Variants in AMN1 observed in about 807,000 individuals in gnomAD.
AMN1 encodes antagonist of mitotic exit network 1 homolog.
A neutral mutation model predicts 33.0 loss-of-function variants in AMN1; 20 were observed. That is an observed-to-expected ratio of 0.61 (90% confidence interval 0.43 to 0.88). The LOEUF (loss-of-function observed/expected upper bound fraction) is 0.88, where lower values mean the gene tolerates loss of function less well. Among genes scored for constraint, AMN1 ranks in the 40% least tolerant of loss-of-function variants. The pLI is 0.00. For missense variants in AMN1, 246 were observed against 307.4 expected (o/e 0.80, Z 1.49); for synonymous variants, 114 against 111.9 (o/e 1.02, Z -0.12).
chr12:31,702,772 T>C (rs1939063281), intron 2 of AMN1, among the ~76,000 whole-genome samples: 1 of 151,648 alleles, frequency 6.6e-6, no homozygotes, highest in Non-Finnish European at 1.5e-5. Context: ...AATTTCACTC[T>C]TGTTGCCCAG....
intron 1 of AMN1, among the ~76,000 whole-genome samples, chr12:31,721,455 C>G (rs1939875517): frequency 6.6e-6 from 1 of 152,190 alleles, no homozygotes; most frequent in African/African-American, 2.4e-5. Context: ...AGCTGGTGAA[C>G]AGCAGTCTCC....
At chr12:31,729,062 A>G, upstream of AMN1, 1 of 1,470,076 alleles carries the variant, frequency 6.8e-7, no homozygotes, top group African/African-American at 1.4e-5. Context: ...GAACCCAGCC[A>G]GGGACCGTCC....
chr12:31,672,190 A>C lies in AMN1; in HGVS notation c.*114T>G. 1.4e-6 allele frequency: 1 copy of C among 734,304 alleles called. No homozygotes were observed. Among genetic ancestry groups the C allele is most frequent in the Non-Finnish European group, 2.3e-6 (1 of 432,178 alleles). The allele number at this position is 734,304 out of a possible 1,614,324, so 45.5% of individuals were successfully genotyped here. ...TCTCTGAGAGTTATAACTTAAGACAATAAAATAATTAAAAATAGTGTTAAC... is the reference window on the plus strand; with the variant it reads ...TCTCTGAGAGTTATAACTTAAGACACTAAAATAATTAAAAATAGTGTTAAC... On this transcript the variant is annotated 3_prime_UTR_variant, in exon 7 of 7. Transcript: ENST00000281471.
chr12:31,703,080 C>T (rs189430796), intron 2 of AMN1, among the ~76,000 whole-genome samples: 1 of 152,208 alleles, frequency 6.6e-6, no homozygotes, highest in East Asian at 1.9e-4. Flanking sequence ...CTTTCCACTG[C>T]CCACCACCCC....
intron 3 of AMN1, among the ~76,000 whole-genome samples, chr12:31,701,330 C>A (rs4931547): frequency 6.6e-6 from 1 of 151,630 alleles, no homozygotes; most frequent in Admixed American, 6.6e-5. Context: ...TAGAGTCTCC[C>A]TATGTCACCC....
At chr12:31,699,602 C>T (rs1334868594) in intron 3 of AMN1, among the ~76,000 whole-genome samples, 1 of 152,082 alleles carries the variant, frequency 6.6e-6, no homozygotes. Flanking sequence ...CTTCATCTTG[C>T]TGTTCATCTG....
chr12:31,701,936 C>T lies in AMN1; in HGVS notation c.243G>A (p.Leu81=), dbSNP rs1351224450. 6.2e-7 allele frequency: 1 copy of T among 1,609,976 alleles called. No individual in the cohort carries two copies. The highest frequency in any genetic ancestry group is 8.5e-7 in the Non-Finnish European group (1 of 1,178,688). ...ATTTCTTCAGTTTTCTACAGTTAGACAGGTGCAGGAGAGCAGCATCTGATA... is the reference window on the plus strand; with the variant it reads ...ATTTCTTCAGTTTTCTACAGTTAGATAGGTGCAGGAGAGCAGCATCTGATA... ...CDISDAALLH[L]SNCRKLKKLN... The change falls in exon 3 of 7, where the codon CTG becomes CTA. Residue 81 remains leucine, a synonymous_variant. Transcript: ENST00000281471.
At chr12:31,691,632 T>C (rs1938504214) in intron 5 of AMN1, among the ~76,000 whole-genome samples, 1 of 152,166 alleles carries the variant, frequency 6.6e-6, no homozygotes, top group Non-Finnish European at 1.5e-5. Context: ...GGACATATAT[T>C]ATGAAGCTAT....
chr12:31,688,164 G>A (rs1475144603), intron 6 of AMN1, among the ~76,000 whole-genome samples: 2 of 152,170 alleles, frequency 1.3e-5, no homozygotes, highest in East Asian at 3.9e-4. Flanking sequence ...ATGTTGGTCA[G>A]GCTGGTCTCG....
chr12:31,686,473 A>G (rs1003545619), intron 6 of AMN1, among the ~76,000 whole-genome samples: 3 of 152,132 alleles, frequency 2.0e-5, no homozygotes, highest in Admixed American at 2.0e-4. Flanking sequence ...ATTGGTATTT[A>G]TTGCTTCTCT....
chr12:31,680,454 GC>G (rs778802923), intron 6 of AMN1, among the ~76,000 whole-genome samples: 19 of 151,954 alleles, frequency 1.3e-4, no homozygotes, highest in Non-Finnish European at 2.2e-4. Context: ...GCCTGCCTCG[GC>G]CCCCCCACAG....
In AMN1 at chr12:31,671,781, C is replaced by T. The variant is rs1002749707; in HGVS notation, c.*523G>A. ...CACTTCATTTCGGTGAAACAAATAC[C>T]TAAATTCTTTGAAGAATTAACAGGC... On this transcript the variant is annotated 3_prime_UTR_variant, in exon 7 of 7. Coordinates refer to ENST00000281471, the MANE Select transcript of AMN1 (RefSeq NM_001113402.2). 6.6e-6 allele frequency: 1 copy of T among 152,402 alleles called. No homozygotes were observed. Among genetic ancestry groups the T allele is most frequent in the African/African-American group, 2.4e-5 (1 of 41,422 alleles). 9.4% of individuals were successfully genotyped at this position (152,402 alleles called of 1,614,324 possible).
intron 1 of AMN1, among the ~76,000 whole-genome samples, chr12:31,723,236 A>G (rs891511003): frequency 1.3e-5 from 2 of 151,944 alleles, no homozygotes; most frequent in Non-Finnish European, 2.9e-5. Context: ...GCACACACAC[A>G]CCACCCCTGG....
chr12:31,706,908 A>T (rs942151488), intron 2 of AMN1, among the ~76,000 whole-genome samples: 1 of 152,216 alleles, frequency 6.6e-6, no homozygotes, highest in Non-Finnish European at 1.5e-5. Context: ...AAAAACAAAG[A>T]TTACTGATTC....
rs887566317 is a variant in AMN1 at position 31,671,170 on chromosome 12, T to C, written c.*1134A>G. ...GTTAAATATTCAGTATTAAATTTTATTGAATTTGTCTTTAGAAAAATTTCA... is the reference window on the plus strand; with the variant it reads ...GTTAAATATTCAGTATTAAATTTTACTGAATTTGTCTTTAGAAAAATTTCA... On this transcript the variant is annotated 3_prime_UTR_variant, in exon 7 of 7. Transcript: ENST00000281471. 1 of 152,242 alleles carries C rather than the reference T, an allele frequency of 6.6e-6. No individual in the cohort carries two copies. The highest frequency in any genetic ancestry group is 1.5e-5 in the Non-Finnish European group (1 of 68,044). The allele number at this position is 152,242 out of a possible 1,614,324, so 9.4% of individuals were successfully genotyped here.
In AMN1 at chr12:31,709,396, G is replaced by A. The variant is rs762467514; in HGVS notation, c.68C>T (p.Ser23Phe). 1.9e-6 allele frequency: 3 copies of A among 1,613,560 alleles called. No homozygotes were observed. The South Asian group carries it at 3.3e-5, about 18-fold the overall frequency. The change falls in exon 2 of 7, where the codon TCC becomes TTC. Residue 23 changes from serine (S) to phenylalanine (F), a missense_variant. Transcript: ENST00000281471. Reference protein sequence around the residue: ...LCLWCFMKNISRYLTDIKPLP... With the variant: ...LCLWCFMKNIFRYLTDIKPLP... The stretch of plus-strand genomic sequence containing the variant: ...AGGCTTAATGTCTGTGAGATATCTG[G>A]AAATATTCTTCATGAAGCACCAAAG...
chr12:31,693,936 G>C (rs1333374476), intron 5 of AMN1, among the ~76,000 whole-genome samples: 1 of 152,076 alleles, frequency 6.6e-6, no homozygotes, highest in Non-Finnish European at 1.5e-5. Flanking sequence ...CTCCCAAAGT[G>C]CTGAAATTAC....
chr12:31,685,421 A>G (rs1293128289), intron 6 of AMN1, among the ~76,000 whole-genome samples: 1 of 152,224 alleles, frequency 6.6e-6, no homozygotes, highest in Non-Finnish European at 1.5e-5. Context: ...TGGTCCCTCC[A>G]AAGCTGTCCA....
chr12:31,701,599 C>G (rs1232062073), intron 3 of AMN1, among the ~76,000 whole-genome samples: 1 of 152,162 alleles, frequency 6.6e-6, no homozygotes, highest in African/African-American at 2.4e-5. Flanking sequence ...TCATAAGCCA[C>G]CTAGCCTGGC....
Sources: gnomAD v4.1 joint callset for allele counts (sites outside exome capture counted in the v4.1 genomes callset) on GRCh38, gnomAD v4.1.1 for gene constraint, MANE v1.5 for transcripts, NCBI Gene and HGNC (gene_info 2026-07-23, HGNC 2026-07-21) for gene names.